SRSF12: variants seen among roughly 807,000 people sequenced by gnomAD.
SRSF12 encodes serine/arginine-rich splicing factor 12.
A neutral mutation model predicts 34.1 loss-of-function variants in SRSF12; 21 were observed. The ratio of observed to expected loss-of-function variants is 0.62; its 90% CI spans 0.44 to 0.89. SRSF12 has a LOEUF of 0.89. SRSF12 is among the 40% of genes least tolerant of loss of function. The probability of loss-of-function intolerance (pLI) is 0.00; values close to 1 mark genes in which losing one functional copy is unlikely to be tolerated. For synonymous variants in SRSF12, 111 were observed against 110.8 expected, an observed-to-expected ratio of 1.00 and a Z score of -0.01; for missense variants, 278 against 327.8, an observed-to-expected ratio of 0.85 and a Z score of 1.17.
rs1290681103 is a variant in SRSF12 at position 89,105,257 on chromosome 6, G to A, written c.278C>T (p.Pro93Leu). The change falls in exon 4 of 5, where the codon CCA (proline) becomes CTA (leucine). Residue 93 changes from proline to leucine, a missense_variant. Physicochemically the swap from Pro to Leu is moderately conservative, Grantham distance 98. Transcript: ENST00000452027. ...IQFAQGDRKTPGQMKSKERHP... is the reference protein window; with the variant it reads ...IQFAQGDRKTLGQMKSKERHP... ...ACGTTCTTTTGATTTCATTTGGCCT[G>A]GTGCTGGAACATAAAGAACAAGACT... 14 of 1,606,488 alleles carry A rather than the reference G, an allele frequency of 8.7e-6. No individual in the cohort carries two copies. The highest frequency in any genetic ancestry group is 1.2e-5 in the Non-Finnish European group (14 of 1,174,622).
chr6:89,098,389 T>G lies in SRSF12; in HGVS notation c.*189A>C. The G allele has an allele frequency of 1.7e-6, 1 of 591,070 alleles. No homozygotes were observed. The highest frequency in any genetic ancestry group is 2.7e-6 in the Non-Finnish European group (1 of 373,940). The allele number at this position is 591,070 out of a possible 1,614,324, so 36.6% of individuals were successfully genotyped here. ...TGGTGACATTAGACAAATCATAATT[T>G]GTAGTGTGGGCCCTTTAAATGGAGA... On this transcript the variant is annotated 3_prime_UTR_variant, in exon 5 of 5. Transcript: ENST00000452027.
intron 1 of SRSF12, among the ~76,000 whole-genome samples, chr6:89,114,722 GT>G (rs1769211792): frequency 6.6e-6 from 1 of 152,192 alleles, no homozygotes; most frequent in Non-Finnish European, 1.5e-5. Context: ...CTGCAGATGT[GT>G]TTTATTTGGC....
rs1768332507 is a variant in SRSF12, at chr6:89,097,857, G to C, written c.*721C>G. The C allele has an allele frequency of 6.6e-6, 1 of 152,286 alleles. No homozygotes were observed. The highest frequency in any genetic ancestry group is 1.9e-4 in the East Asian group (1 of 5,192). The allele number at this position is 152,286 out of a possible 1,614,324, so 9.4% of individuals were successfully genotyped here. A position where few individuals can be genotyped will look rare whatever the true frequency, so the allele number is the denominator to read the frequency against. On this transcript the variant is annotated 3_prime_UTR_variant, in exon 5 of 5. Transcript: ENST00000452027. Reference sequence around the variant, plus strand: ...CTTAATATGAATATTTTTGGATTGTGAGTGTTGCTCAGCCTAATTTTTAAA... The same window carrying C: ...CTTAATATGAATATTTTTGGATTGTCAGTGTTGCTCAGCCTAATTTTTAAA...
intron 4 of SRSF12, among the ~76,000 whole-genome samples, chr6:89,099,283 CA>C (rs1200551137): frequency 4.6e-5 from 7 of 151,634 alleles, no homozygotes; most frequent in Non-Finnish European, 8.8e-5. Context: ...CAATTATTTA[CA>C]GTTCAAATAA....
intron 4 of SRSF12, among the ~76,000 whole-genome samples, chr6:89,100,522 T>TAA (rs35086229): frequency 4.8e-5 from 7 of 144,732 alleles, no homozygotes; most frequent in Non-Finnish European, 1.5e-5. Flanking sequence ...CATGTTATGT[T>TAA]AAAAAAAAAA....
intron 1 of SRSF12, among the ~76,000 whole-genome samples, chr6:89,116,614 A>C (rs1769305188): frequency 1.3e-5 from 2 of 152,010 alleles, no homozygotes; most frequent in Admixed American, 1.3e-4. Context: ...ATCTCTACTA[A>C]AAATATAAAA....
chr6:89,108,518 C>A (rs1768896245), intron 1 of SRSF12, among the ~76,000 whole-genome samples: 1 of 152,234 alleles, frequency 6.6e-6, no homozygotes, highest in South Asian at 2.1e-4. Flanking sequence ...CTACACCCTA[C>A]TGCTTCATGG....
intron 1 of SRSF12, among the ~76,000 whole-genome samples, chr6:89,113,529 G>A (rs915929763): frequency 6.6e-6 from 1 of 151,738 alleles, no homozygotes; most frequent in East Asian, 1.9e-4. Flanking sequence ...GGCTCATCTC[G>A]AACTCCTGAC....
rs757117656 is a variant in SRSF12 at position 89,105,264 on chromosome 6, G to C, written c.275-4C>G. The C allele has an allele frequency of 6.2e-7, 1 of 1,603,132 alleles. No homozygotes were observed. The highest frequency in any genetic ancestry group is 1.1e-5 in the South Asian group (1 of 90,274). The stretch of plus-strand genomic sequence containing the variant: ...TTTGATTTCATTTGGCCTGGTGCTG[G>C]AACATAAAGAACAAGACTTATGACA... On this transcript the variant is annotated splice_region_variant and splice_polypyrimidine_tract_variant and intron_variant, in intron 3 of 4. Transcript: ENST00000452027.
At chr6:89,099,015 AG>A in intron 4 of SRSF12, 68 bp from the exon 5 acceptor site, 1 of 1,495,962 alleles carries the variant, frequency 6.7e-7, no homozygotes, top group African/African-American at 1.4e-5. Flanking sequence ...TAACACTTTC[AG>A]GAACTTACAT....
intron 2 of SRSF12, chr6:89,106,940 G>A (rs566281423): frequency 1.9e-5 from 11 of 587,242 alleles, no homozygotes; most frequent in Admixed American, 6.5e-5. Flanking sequence ...CTTTTGTCTC[G>A]CCTGCTGGGT....
At chr6:89,115,091 C>G (rs1425365490) in intron 1 of SRSF12, among the ~76,000 whole-genome samples, 1 of 151,338 alleles carries the variant, frequency 6.6e-6, no homozygotes, top group African/African-American at 2.4e-5. Flanking sequence ...CCACCACGCC[C>G]GGCCACAGCT....
Position 89,098,410 on chromosome 6 carries a change from G to A in SRSF12, c.*168C>T. The A allele has an allele frequency of 1.2e-6, 1 of 837,290 alleles. No individual in the cohort carries two copies. The allele number at this position is 837,290 out of a possible 1,614,324, so 51.9% of individuals were successfully genotyped here. ...AATTTGTAGTGTGGGCCCTTTAAAT[G>A]GAGACCAAATTTTTATTAATCCAAA... On this transcript the variant is annotated 3_prime_UTR_variant, in exon 5 of 5. Coordinates refer to ENST00000452027, the MANE Select transcript of SRSF12 (RefSeq NM_080743.5).
chr6:89,106,858 T>C (rs534695093), intron 2 of SRSF12: 18 of 411,658 alleles, frequency 4.4e-5, no homozygotes, highest in Admixed American at 4.2e-4. Context: ...TGATAAAGAC[T>C]TCCCCTCTTC....
At chr6:89,101,917 G>C (rs1460410398) in intron 4 of SRSF12, among the ~76,000 whole-genome samples, 2 of 150,874 alleles carry the variant, frequency 1.3e-5, no homozygotes, top group Non-Finnish European at 2.9e-5. Context: ...GATGTTTTCA[G>C]ACAAAAGCTG....
At chr6:89,106,803 T>C (rs1288215615) in intron 2 of SRSF12, 3 of 359,398 alleles carry the variant, frequency 8.3e-6, no homozygotes, top group South Asian at 6.4e-5. Context: ...TGAGTAAATG[T>C]AGGAAAGCCG....
chr6:89,111,010 G>A (rs182858624), intron 1 of SRSF12, among the ~76,000 whole-genome samples: 1 of 152,222 alleles, frequency 6.6e-6, no homozygotes, highest in East Asian at 1.9e-4. Flanking sequence ...TACTTAGGAG[G>A]CTGAGGAAGA....
At chr6:89,113,171 TC>T (rs1401767228) in intron 1 of SRSF12, among the ~76,000 whole-genome samples, 1 of 152,074 alleles carries the variant, frequency 6.6e-6, no homozygotes, top group Non-Finnish European at 1.5e-5. Context: ...TAACATTTTA[TC>T]CCAATGATTT....
intron 1 of SRSF12, among the ~76,000 whole-genome samples, chr6:89,108,887 C>G (rs141501432): frequency 8.9e-4 from 135 of 152,314 alleles, no homozygotes; most frequent in African/African-American, 3.1e-3. Flanking sequence ...CAAAAATTGA[C>G]TAAGCATCTA....
Sources: allele counts gnomAD v4.1 joint callset (sites outside exome capture counted in the v4.1 genomes callset), GRCh38; gene constraint gnomAD v4.1.1; transcripts MANE v1.5; gene names NCBI Gene and HGNC (gene_info 2026-07-23, HGNC 2026-07-21).